Variants in KSR2 observed in about 807,000 individuals in gnomAD.
The protein encoded by KSR2 is kinase suppressor of ras 2.
A neutral mutation model predicts 107.8 loss-of-function variants in KSR2; 25 were observed. The ratio of observed to expected loss-of-function variants is 0.23; its 90% CI spans 0.17 to 0.32. KSR2 has a LOEUF of 0.32. Among genes scored for constraint, KSR2 ranks in the 10% least tolerant of loss-of-function variants. The pLI, the probability that KSR2 is intolerant of heterozygous loss-of-function variation, is 1.00. For synonymous variants in KSR2, 480 were observed against 507.0 expected (o/e 0.95, Z 0.71); for missense variants, 887 against 1,268.9 (o/e 0.70, Z 4.57).
intron 1 of KSR2, among the ~76,000 whole-genome samples, chr12:117,875,861 C>A (rs893975671): frequency 5.3e-5 from 8 of 152,116 alleles, no homozygotes; most frequent in African/African-American, 1.9e-4. Context: ...ACGCCTCCCC[C>A]CCACCACCAC....
chr12:117,927,877 C>T (rs12812974), intron 1 of KSR2, among the ~76,000 whole-genome samples: 35,141 of 151,970 alleles, frequency 0.23, 4,594 homozygotes, highest in Middle Eastern at 0.35. Context: ...AAGTGTACAG[C>T]GGAGTGGCCT....
At chr12:117,884,056 C>A (rs1175092746) in intron 1 of KSR2, among the ~76,000 whole-genome samples, 2 of 151,994 alleles carry the variant, frequency 1.3e-5, no homozygotes, top group Non-Finnish European at 2.9e-5. Flanking sequence ...TGCCGTTTGT[C>A]CTGCAAAGCA....
chr12:117,955,023 A>AG (rs1451178870), intron 1 of KSR2, among the ~76,000 whole-genome samples: 1 of 152,052 alleles, frequency 6.6e-6, no homozygotes, highest in Non-Finnish European at 1.5e-5. Flanking sequence ...TCTCAAAAAA[A>AG]AAAAAAAAAA....
At position 117,968,867 on chromosome 12, in the gene KSR2, C is replaced by T; in HGVS notation, c.-612G>A. ...GCTCCCGCGGCTGCGGCGGCTACTG[C>T]GGCTGGCTGCTGTCTCCTCCCCGCG... On this transcript the variant is annotated 5_prime_UTR_variant, in exon 1 of 20. Coordinates refer to ENST00000339824, the MANE Select transcript of KSR2 (RefSeq NM_173598.6). 1.3e-5 allele frequency: 3 copies of T among 226,552 alleles called. No homozygotes were observed. The highest frequency in any genetic ancestry group is 5.6e-5 in the Admixed American group (1 of 17,872). The allele number at this position is 226,552 out of a possible 1,614,324, so 14.0% of individuals were successfully genotyped here.
At chr12:117,926,295 T>C (rs1328244482) in intron 1 of KSR2, among the ~76,000 whole-genome samples, 3 of 152,220 alleles carry the variant, frequency 2.0e-5, no homozygotes, top group Admixed American at 6.5e-5. Context: ...GAACCTTCAC[T>C]AGCCCATCTT....
chr12:117,577,354 GGA>G (rs36112588), intron 7 of KSR2, among the ~76,000 whole-genome samples: 36,870 of 143,818 alleles, frequency 0.26, 5,619 homozygotes, highest in African/African-American at 0.47. Context: ...GTTTACAGAA[GGA>G]GAGAGAGAGA....
intron 7 of KSR2, among the ~76,000 whole-genome samples, chr12:117,569,424 G>A (rs1244996955): frequency 1.3e-5 from 2 of 152,158 alleles, no homozygotes; most frequent in Non-Finnish European, 2.9e-5. Flanking sequence ...GCCACTGCAG[G>A]CAGGAGGAAA....
chr12:117,868,757 CTTTTTTTTTTT>C (rs1247046254), intron 1 of KSR2, among the ~76,000 whole-genome samples: 1 of 148,078 alleles, frequency 6.8e-6, no homozygotes, highest in African/African-American at 2.5e-5. Flanking sequence ...ATTTTCTTTT[CTTTTTTTTTTT>C]GAGACAGAGT....
chr12:117,928,325 G>C (rs560894148), intron 1 of KSR2, among the ~76,000 whole-genome samples: 1 of 152,136 alleles, frequency 6.6e-6, no homozygotes, highest in East Asian at 1.9e-4. Context: ...TGGAACTACA[G>C]GCATGCGCCA....
At chr12:117,539,113 C>T (rs1876270637) in intron 10 of KSR2, among the ~76,000 whole-genome samples, 1 of 152,210 alleles carries the variant, frequency 6.6e-6, no homozygotes, top group African/African-American at 2.4e-5. Flanking sequence ...CCTTGGAATT[C>T]CTGAGCTAGA....
At chr12:117,598,893 G>A (rs1385486059) in intron 5 of KSR2, among the ~76,000 whole-genome samples, 3 of 151,478 alleles carry the variant, frequency 2.0e-5, no homozygotes, top group Non-Finnish European at 2.9e-5. Flanking sequence ...GGTCTGCCCT[G>A]GTAATATCTG....
chr12:117,455,655 A>C lies in KSR2; in HGVS notation c.*11544T>G, dbSNP rs954422871. 6.6e-6 allele frequency: 1 copy of C among 152,136 alleles called. No individual in the cohort carries two copies. The highest frequency in any genetic ancestry group is 2.4e-5 in the African/African-American group (1 of 41,416). The allele number at this position is 152,136 out of a possible 1,614,324, so 9.4% of individuals were successfully genotyped here. A position where few individuals can be genotyped will look rare whatever the true frequency, so the allele number is the denominator to read the frequency against. On this transcript the variant is annotated 3_prime_UTR_variant, in exon 20 of 20. Transcript: ENST00000339824. The stretch of plus-strand genomic sequence containing the variant: ...AAATATTTACTAAATGACTATATAA[A>C]ATGAAGATTTGGGGAATGAAGGGAC...
At chr12:117,752,999 A>C (rs757839930) in intron 4 of KSR2, among the ~76,000 whole-genome samples, 2 of 152,170 alleles carry the variant, frequency 1.3e-5, no homozygotes, top group Non-Finnish European at 2.9e-5. Context: ...ATTCCCTCTT[A>C]ATTTTCTGAA....
chr12:117,845,509 C>T (rs1232410616), intron 3 of KSR2, among the ~76,000 whole-genome samples: 1 of 152,106 alleles, frequency 6.6e-6, no homozygotes, highest in Non-Finnish European at 1.5e-5. Flanking sequence ...CGATAGACCC[C>T]AGTTATTCAA....
At chr12:117,836,362 C>T (rs988070291) in intron 3 of KSR2, among the ~76,000 whole-genome samples, 13 of 152,236 alleles carry the variant, frequency 8.5e-5, no homozygotes, top group African/African-American at 3.1e-4. Context: ...CAACACCGTA[C>T]TTATTAGGAA....
chr12:117,533,559 A>G (rs1296041474), intron 10 of KSR2, among the ~76,000 whole-genome samples: 1 of 152,210 alleles, frequency 6.6e-6, no homozygotes, highest in Non-Finnish European at 1.5e-5. Flanking sequence ...ATCACCCTCC[A>G]TGACTTCAGG....
chr12:117,943,723 G>T (rs928105541), intron 1 of KSR2, among the ~76,000 whole-genome samples: 5 of 152,112 alleles, frequency 3.3e-5, no homozygotes, highest in Non-Finnish European at 5.9e-5. Flanking sequence ...AAAGGCCATT[G>T]ATATGGTTTG....
chr12:117,779,264 G>A (rs1889797734), intron 3 of KSR2, among the ~76,000 whole-genome samples: 1 of 152,146 alleles, frequency 6.6e-6, no homozygotes. Context: ...GCACCAGGGG[G>A]CTTTTCCAAG....
chr12:117,752,283 G>A (rs760433180), intron 4 of KSR2, among the ~76,000 whole-genome samples: 4 of 152,214 alleles, frequency 2.6e-5, no homozygotes, highest in African/African-American at 7.2e-5. Context: ...GAGGTGAAAT[G>A]TGTTCACTCA....
Sources: allele counts gnomAD v4.1 joint callset (sites outside exome capture counted in the v4.1 genomes callset), GRCh38; gene constraint gnomAD v4.1.1; transcripts MANE v1.5; gene names NCBI Gene and HGNC (gene_info 2026-07-23, HGNC 2026-07-21).